CNTNAP2: variants seen among roughly 807,000 people sequenced by gnomAD.
CNTNAP2 encodes contactin associated protein 2, also known as contactin-associated protein-like 2.
Under a neutral mutation model 155.2 loss-of-function variants are expected in CNTNAP2, and 98 were observed. That is an observed-to-expected ratio of 0.63 (90% CI 0.54 to 0.75). CNTNAP2 has a LOEUF of 0.75. Among genes scored for constraint, CNTNAP2 ranks in the 30% least tolerant of loss-of-function variants. The probability of loss-of-function intolerance (pLI) is 0.00; values close to 1 mark genes in which losing one functional copy is unlikely to be tolerated. For synonymous variants in CNTNAP2, 651 were observed against 631.2 expected, an observed-to-expected ratio of 1.03 and a Z score of -0.47; for missense variants, 1,727 against 1,688.1, an observed-to-expected ratio of 1.02 and a Z score of -0.40.
chr7:146,428,033 G>A (rs1424467355), intron 1 of CNTNAP2, among the ~76,000 whole-genome samples: 3 of 152,206 alleles, frequency 2.0e-5, no homozygotes, highest in Middle Eastern at 3.4e-3. Flanking sequence ...AAGGATAATG[G>A]CCCCCAGCTC....
intron 8 of CNTNAP2, among the ~76,000 whole-genome samples, chr7:147,295,437 T>A (rs147287677): frequency 1.6e-3 from 237 of 152,308 alleles, no homozygotes; most frequent in Non-Finnish European, 2.7e-3. Context: ...AACCTTTACC[T>A]GTTACCATCT....
At chr7:146,435,049 T>G (rs1157656822) in intron 1 of CNTNAP2, among the ~76,000 whole-genome samples, 1 of 152,112 alleles carries the variant, frequency 6.6e-6, no homozygotes, top group East Asian at 1.9e-4. Flanking sequence ...TCAAAAGGTA[T>G]AGAAGATGAA....
At chr7:147,636,625 T>G (rs534697236) in intron 12 of CNTNAP2, among the ~76,000 whole-genome samples, 4 of 152,188 alleles carry the variant, frequency 2.6e-5, no homozygotes, top group African/African-American at 9.6e-5. Context: ...CCCTGGTGTG[T>G]GATATTCTCC....
chr7:148,190,990 C>A (rs981119213), intron 18 of CNTNAP2: 3 of 152,194 alleles, frequency 2.0e-5, no homozygotes, highest in Admixed American at 2.0e-4. Context: ...TAGAGAGCAA[C>A]CAGTACAGAC....
intron 13 of CNTNAP2, among the ~76,000 whole-genome samples, chr7:147,850,507 C>T (rs1436465994): frequency 2.0e-5 from 3 of 152,222 alleles, no homozygotes; most frequent in East Asian, 3.8e-4. Flanking sequence ...CACTACCTGA[C>T]TTCAAACCAT....
intron 1 of CNTNAP2, among the ~76,000 whole-genome samples, chr7:146,375,257 G>T (rs543080649): frequency 2.0e-5 from 3 of 152,256 alleles, no homozygotes; most frequent in Admixed American, 2.0e-4. Context: ...AAATGCTTTT[G>T]CTCTTTCTCT....
chr7:147,230,534 C>A (rs1306845741), intron 8 of CNTNAP2, among the ~76,000 whole-genome samples: 1 of 152,166 alleles, frequency 6.6e-6, no homozygotes, highest in Non-Finnish European at 1.5e-5. Context: ...CAGGCATGAA[C>A]CATGGTGGAT....
intron 1 of CNTNAP2, among the ~76,000 whole-genome samples, chr7:146,190,841 C>T (rs1798692754): frequency 6.6e-6 from 1 of 152,024 alleles, no homozygotes; most frequent in Admixed American, 6.6e-5. Context: ...TCTTTCTAAA[C>T]AGACATCTAG....
chr7:147,437,236 A>G (rs1288175782), intron 10 of CNTNAP2, among the ~76,000 whole-genome samples: 1 of 152,064 alleles, frequency 6.6e-6, no homozygotes, highest in Non-Finnish European at 1.5e-5. Flanking sequence ...TAAAGAGGAG[A>G]CAGTGTGAAA....
At chr7:147,758,976 T>C (rs760706227) in intron 13 of CNTNAP2, among the ~76,000 whole-genome samples, 4 of 152,230 alleles carry the variant, frequency 2.6e-5, no homozygotes, top group African/African-American at 7.2e-5. Flanking sequence ...GAATTCTTCT[T>C]AGTTTCCCGT....
intron 13 of CNTNAP2, among the ~76,000 whole-genome samples, chr7:147,857,282 G>A (rs980970939): frequency 1.3e-5 from 2 of 152,136 alleles, no homozygotes; most frequent in East Asian, 1.9e-4. Flanking sequence ...TTGTCTCCGT[G>A]CAAGATGTAT....
intron 22 of CNTNAP2, among the ~76,000 whole-genome samples, chr7:148,408,129 C>T (rs1280763078): frequency 1.3e-5 from 2 of 152,038 alleles, no homozygotes; most frequent in African/African-American, 4.8e-5. Context: ...CCTGTAATCC[C>T]AGCTACTTGG....
At chr7:146,909,114 A>G (rs1230455984) in intron 3 of CNTNAP2, among the ~76,000 whole-genome samples, 2 of 152,190 alleles carry the variant, frequency 1.3e-5, no homozygotes, top group Admixed American at 1.3e-4. Context: ...AAGAAGTTGA[A>G]TCTCTGAATA....
chr7:148,149,050 G>T (rs1805248413), intron 17 of CNTNAP2, among the ~76,000 whole-genome samples: 1 of 152,172 alleles, frequency 6.6e-6, no homozygotes, highest in African/African-American at 2.4e-5. Context: ...GCCCAGATTA[G>T]CTAGGACAAG....
chr7:146,215,244 T>A (rs1296064544), intron 1 of CNTNAP2, among the ~76,000 whole-genome samples: 1 of 152,210 alleles, frequency 6.6e-6, no homozygotes, highest in Non-Finnish European at 1.5e-5. Flanking sequence ...TGGAAGCTAC[T>A]CATACAAAAT....
intron 3 of CNTNAP2, among the ~76,000 whole-genome samples, chr7:147,027,004 GAA>G (rs57810224): frequency 0.013 from 847 of 67,444 alleles, 11 homozygotes; most frequent in African/African-American, 0.048. Context: ...AAACAGAACA[GAA>G]AAAAAAAAAA....
At chr7:147,762,533 G>A (rs1797318892) in intron 13 of CNTNAP2, among the ~76,000 whole-genome samples, 1 of 151,864 alleles carries the variant, frequency 6.6e-6, no homozygotes, top group Non-Finnish European at 1.5e-5. Flanking sequence ...AGGCTGATGA[G>A]CCATTTCCAG....
intron 6 of CNTNAP2, among the ~76,000 whole-genome samples, chr7:147,123,504 C>T (rs938254807): frequency 6.6e-6 from 1 of 152,186 alleles, no homozygotes; most frequent in Non-Finnish European, 1.5e-5. Context: ...TGTTTGAGAA[C>T]TGCAGGTATA....
At chr7:146,707,990 G>T (rs543298275) in intron 1 of CNTNAP2, among the ~76,000 whole-genome samples, 10 of 152,018 alleles carry the variant, frequency 6.6e-5, no homozygotes, top group African/African-American at 2.2e-4. Flanking sequence ...TATGGTACCT[G>T]TTTGTGTCTG....
Sources: allele counts gnomAD v4.1 joint callset (sites outside exome capture counted in the v4.1 genomes callset), GRCh38; gene constraint gnomAD v4.1.1; transcripts MANE v1.5; gene names NCBI Gene and HGNC (gene_info 2026-07-23, HGNC 2026-07-21).